The following TTC39C variants were observed in gnomAD, a reference collection of about 807,000 sequenced individuals.
TTC39C encodes tetratricopeptide repeat protein 39C.
In TTC39C, 33 loss-of-function variants were observed where a neutral mutation model predicts 76.3. That is an observed-to-expected ratio of 0.43 (90% CI 0.33 to 0.58). The LOEUF (loss-of-function observed/expected upper bound fraction) is 0.58, where lower values mean the gene tolerates loss of function less well. Among genes scored for constraint, TTC39C ranks in the 20% least tolerant of loss-of-function variants. TTC39C has a pLI of 0.04. For missense variants in TTC39C, 595 were observed against 701.4 expected (o/e 0.85, Z 1.71); for synonymous variants, 254 against 260.6 (o/e 0.97, Z 0.24).
At chr18:24,050,563 CAAA>C (rs67885761) in intron 1 of TTC39C, among the ~76,000 whole-genome samples, 3 of 77,092 alleles carry the variant, frequency 3.9e-5, no homozygotes, top group Admixed American at 1.6e-4. Flanking sequence ...GACCCTGTCT[CAAA>C]AAAAAAAAAA....
chr18:24,001,823 G>GTTTTTTTTTTTTTTTTTTT (rs750295981), intron 1 of TTC39C, among the ~76,000 whole-genome samples: 2 of 57,496 alleles, frequency 3.5e-5, no homozygotes, highest in African/African-American at 8.9e-5. Flanking sequence ...CGGTAATTCT[G>GTTTTTTTTTTTTTTTTTTT]TTTTTTTTTT....
At chr18:24,055,697 C>T (rs1382063906) in intron 1 of TTC39C, among the ~76,000 whole-genome samples, 1 of 152,122 alleles carries the variant, frequency 6.6e-6, no homozygotes. Flanking sequence ...GTTGCCTTTT[C>T]ACTCTGCTGA....
chr18:24,016,033 A>G (rs1268305274), intron 1 of TTC39C, among the ~76,000 whole-genome samples: 1 of 152,220 alleles, frequency 6.6e-6, no homozygotes, highest in African/African-American at 2.4e-5. Context: ...GAGAGGACCA[A>G]TGTACAACTG....
At position 23,997,986 on chromosome 18, in the gene TTC39C, G is replaced by A. The variant is rs527680069; in HGVS notation, c.-17+4948G>A. Among the ~76,000 whole-genome samples the A allele has an allele frequency of 7.9e-4, 121 of 152,318 alleles. 1 individual carries two copies. Among genetic ancestry groups the A allele is most frequent in the African/African-American group, 2.6e-3 (108 of 41,572 alleles). Reference sequence around the variant, plus strand: ...TTCTGAAATGTGAGGAACAGAGAGGGGCAGGATAGTGTGTTTTTGTATACT... The same window carrying A: ...TTCTGAAATGTGAGGAACAGAGAGGAGCAGGATAGTGTGTTTTTGTATACT... On this transcript the variant is annotated intron_variant, in intron 1 of 13. Coordinates refer to the TTC39C transcript ENST00000304621.
intron 6 of TTC39C, among the ~76,000 whole-genome samples, chr18:24,085,134 C>T (rs1017195236): frequency 6.6e-6 from 1 of 152,148 alleles, no homozygotes; most frequent in African/African-American, 2.4e-5. Context: ...TTCATGGTGA[C>T]AGGTTACTGT....
chr18:24,039,042 CAG>C (rs1431854364), intron 1 of TTC39C, among the ~76,000 whole-genome samples: 1 of 152,208 alleles, frequency 6.6e-6, no homozygotes, highest in Non-Finnish European at 1.5e-5. Flanking sequence ...ACCATAGAAA[CAG>C]AGATACATAG....
chr18:24,100,153 G>T (rs879550301), intron 6 of TTC39C, among the ~76,000 whole-genome samples: 2 of 152,146 alleles, frequency 1.3e-5, no homozygotes, highest in Non-Finnish European at 2.9e-5. Context: ...TGGGATTAGG[G>T]ATTTGATCAC....
At chr18:24,130,455 A>G (rs539757992) in intron 12 of TTC39C, 38 bp downstream of exon 12, 3 of 857,452 alleles carry the variant, frequency 3.5e-6, no homozygotes, top group Admixed American at 4.3e-5. Flanking sequence ...TATATTTTTA[A>G]TGTTGTTCAA....
At chr18:24,044,245 G>A (rs2083835656) in intron 1 of TTC39C, among the ~76,000 whole-genome samples, 1 of 152,186 alleles carries the variant, frequency 6.6e-6, no homozygotes, top group Admixed American at 6.5e-5. Flanking sequence ...GGAGAGGGGT[G>A]GATGTGCAGA....
chr18:24,062,647 A>G (rs1410673354), intron 1 of TTC39C, among the ~76,000 whole-genome samples: 2 of 152,182 alleles, frequency 1.3e-5, no homozygotes, highest in Non-Finnish European at 2.9e-5. Flanking sequence ...TAAGTAACCT[A>G]TTAAATGGGA....
chr18:24,116,519 C>G (rs555701664), intron 7 of TTC39C, among the ~76,000 whole-genome samples: 3 of 152,266 alleles, frequency 2.0e-5, no homozygotes, highest in Admixed American at 1.3e-4. Context: ...TGCACTCCAG[C>G]CTGGGTGACA....
At chr18:24,130,869 T>C (rs1428179689) in intron 12 of TTC39C, among the ~76,000 whole-genome samples, 1 of 151,668 alleles carries the variant, frequency 6.6e-6, no homozygotes, top group Non-Finnish European at 1.5e-5. Context: ...AGAAAAAGTA[T>C]AGTAAAAATA....
At chr18:24,107,853 G>T (rs1027108005) in intron 6 of TTC39C, among the ~76,000 whole-genome samples, 1 of 151,250 alleles carries the variant, frequency 6.6e-6, no homozygotes, top group African/African-American at 2.4e-5. Flanking sequence ...TCGACCTCCC[G>T]GCTCAAGCAA....
chr18:24,131,020 C>CAAAAAAAAAAAAAAAAAAAAAAAAAA (rs59161044), intron 12 of TTC39C, among the ~76,000 whole-genome samples: 1 of 14,424 alleles, frequency 6.9e-5, no homozygotes, highest in Non-Finnish European at 1.4e-4. Flanking sequence ...CTCATCTCTG[C>CAAAAAAAAAAAAAAAAAAAAAAAAAA]AAAAAAAAAA....
intron 1 of TTC39C, among the ~76,000 whole-genome samples, chr18:24,057,785 T>C (rs898672563): frequency 1.3e-5 from 2 of 152,184 alleles, no homozygotes; most frequent in African/African-American, 2.4e-5. Context: ...TGAAAATTAC[T>C]GGTTTACCCA....
Position 24,069,127 on chromosome 18 carries a change from A to G in TTC39C, c.346-30A>G, listed in dbSNP as rs377602702. On this transcript the variant is annotated intron_variant, in intron 3 of 13. Transcript: ENST00000317571. ...GAACTGTCGTTGTTATGTGTGATTT[A>G]TCAGTGTGGACATTCTTTCTGCCAA... The G allele has an allele frequency of 5.9e-6, 9 of 1,517,364 alleles. No homozygotes were observed. The Admixed American group carries it at 1.3e-4, about 23-fold the overall frequency. The allele number at this position is 1,517,364 out of a possible 1,614,324, so 94.0% of individuals were successfully genotyped here.
chr18:24,030,566 T>C (rs1344139919), intron 1 of TTC39C, among the ~76,000 whole-genome samples: 1 of 151,886 alleles, frequency 6.6e-6, no homozygotes, highest in Non-Finnish European at 1.5e-5. Flanking sequence ...AAGTTGGTCA[T>C]AGGTGCACGC....
intron 1 of TTC39C, among the ~76,000 whole-genome samples, chr18:24,024,033 A>T (rs1358706516): frequency 6.9e-5 from 2 of 28,800 alleles, no homozygotes; most frequent in African/African-American, 1.1e-4. Context: ...TTTTTTTTTG[A>T]GACGGAGTCT....
At chr18:24,082,884 G>T in intron 5 of TTC39C, 29 bp from the exon 6 acceptor site, 1 of 1,560,712 alleles carries the variant, frequency 6.4e-7, no homozygotes, top group Non-Finnish European at 8.7e-7. Flanking sequence ...AAGTTAATGT[G>T]CTCAATGTTT....
Sources: gnomAD v4.1 joint callset for allele counts (sites outside exome capture counted in the v4.1 genomes callset) on GRCh38, gnomAD v4.1.1 for gene constraint, MANE v1.5 for transcripts, NCBI Gene and HGNC (gene_info 2026-07-23, HGNC 2026-07-21) for gene names.